LRRK1: variants seen among roughly 807,000 people sequenced by gnomAD.
LRRK1 encodes leucine-rich repeat serine/threonine-protein kinase 1.
A neutral mutation model predicts 209.1 loss-of-function variants in LRRK1; 113 were observed. That is an observed-to-expected ratio of 0.54 (90% CI 0.46 to 0.63). The LOEUF is 0.63. LRRK1 is among the 30% of genes least tolerant of loss of function. The pLI, the probability that LRRK1 is intolerant of heterozygous loss-of-function variation, is 0.00. For synonymous variants in LRRK1, 1,144 were observed against 1,099.7 expected (o/e 1.04, Z -0.80); for missense variants, 2,284 against 2,632.2 (o/e 0.87, Z 2.89).
intron 6 of LRRK1, among the ~76,000 whole-genome samples, chr15:101,007,903 C>A (rs1041427487): frequency 6.6e-6 from 1 of 152,114 alleles, no homozygotes; most frequent in African/African-American, 2.4e-5. Flanking sequence ...GTAATTGCAG[C>A]ACTTTGGGAG....
chr15:101,047,376 C>T (rs1375078740), intron 21 of LRRK1, among the ~76,000 whole-genome samples: 2 of 152,210 alleles, frequency 1.3e-5, no homozygotes, highest in Non-Finnish European at 1.5e-5. Context: ...GGTGCTCCTA[C>T]GTTCCCATTC....
chr15:101,047,627 A>G (rs2035156432), intron 21 of LRRK1, among the ~76,000 whole-genome samples: 1 of 152,346 alleles, frequency 6.6e-6, no homozygotes, highest in African/African-American at 2.4e-5. Flanking sequence ...TGCAAATTCA[A>G]GCAGCAGTGA....
chr15:101,074,201 C>T lies in LRRK1; in HGVS notation c.*5353C>T, dbSNP rs2036900622. ...TTTCTATAGACCCATCTGACCTCTC[C>T]CCTCCTCCCCAGGCTGCTCCTTGCC... is the stretch of plus-strand genomic sequence containing the variant. On this transcript the variant is annotated 3_prime_UTR_variant, in exon 34 of 34. Coordinates refer to ENST00000388948, the MANE Select transcript of LRRK1 (RefSeq NM_024652.6). The T allele has an allele frequency of 6.6e-6, 1 of 152,116 alleles. No homozygotes were observed. Among genetic ancestry groups the T allele is most frequent in the Non-Finnish European group, 1.5e-5 (1 of 68,050 alleles). The allele number at this position is 152,116 out of a possible 1,614,324, so 9.4% of individuals were successfully genotyped here.
Position 101,022,048 on chromosome 15 carries a change from T to C in LRRK1, c.1852+91T>C. The C allele has an allele frequency of 1.1e-6, 1 of 908,582 alleles. No homozygotes were observed. Among genetic ancestry groups the C allele is most frequent in the Non-Finnish European group, 1.7e-6 (1 of 587,144 alleles). The allele number at this position is 908,582 out of a possible 1,614,324, so 56.3% of individuals were successfully genotyped here. ...AAGTTCTGGGGGTGGAGACAGTTGG[T>C]GACCCATGGAGCCCAGCTCCAGGTT... On this transcript the variant is annotated intron_variant, in intron 14 of 33. Coordinates refer to ENST00000388948, the MANE Select transcript of LRRK1 (RefSeq NM_024652.6). The surrounding 1 kb of genome is among the most constrained non-coding windows in gnomAD (Gnocchi z 4.0).
At chr15:100,949,590 C>T (rs1652147761) in intron 2 of LRRK1, among the ~76,000 whole-genome samples, 1 of 152,146 alleles carries the variant, frequency 6.6e-6, no homozygotes, top group South Asian at 2.1e-4. Context: ...CTACAGACCA[C>T]TACCTCTTTC....
At position 101,073,513 on chromosome 15, in the gene LRRK1, G is replaced by A. The variant is rs539246385; in HGVS notation, c.*4665G>A. 2.0e-5 allele frequency: 3 copies of A among 151,228 alleles called. No individual in the cohort carries two copies. Among genetic ancestry groups the A allele is most frequent in the Admixed American group, 6.6e-5 (1 of 15,190 alleles). 9.4% of individuals were successfully genotyped at this position (151,228 alleles called of 1,614,324 possible). A position where few individuals can be genotyped will look rare whatever the true frequency, so the allele number is the denominator to read the frequency against. On this transcript the variant is annotated 3_prime_UTR_variant, in exon 34 of 34. Coordinates refer to ENST00000388948, the MANE Select transcript of LRRK1 (RefSeq NM_024652.6). ...CAACCCCTTCTCCTTCACCCTGAGCGGCAAGTCCCGCTTTTCTAGAGGAGG... is the reference window on the plus strand; with the variant it reads ...CAACCCCTTCTCCTTCACCCTGAGCAGCAAGTCCCGCTTTTCTAGAGGAGG...
At chr15:100,928,841 C>G (rs2042160069) in intron 2 of LRRK1, among the ~76,000 whole-genome samples, 1 of 152,136 alleles carries the variant, frequency 6.6e-6, no homozygotes, top group Non-Finnish European at 1.5e-5. Context: ...AGGCTGGGGT[C>G]TGTGTGTGTC....
At chr15:101,052,102 T>G in intron 24 of LRRK1, 142 bp downstream of exon 24, 1 of 980,594 alleles carries the variant, frequency 1.0e-6, no homozygotes, top group Non-Finnish European at 1.5e-6. Context: ...TCTCAGTACC[T>G]TTTAGGTTCC....
intron 2 of LRRK1, among the ~76,000 whole-genome samples, chr15:100,928,575 G>T (rs1347967518): frequency 6.6e-6 from 1 of 152,180 alleles, no homozygotes; most frequent in Non-Finnish European, 1.5e-5. Context: ...AAAATCCTTG[G>T]AAGATAACGT....
intron 20 of LRRK1, among the ~76,000 whole-genome samples, chr15:101,032,276 G>A (rs1016340456): frequency 1.3e-5 from 2 of 151,940 alleles, no homozygotes; most frequent in Non-Finnish European, 2.9e-5. Context: ...TATATCTTCT[G>A]GATACAAGTT....
chr15:101,036,531 T>C (rs2034500638), intron 20 of LRRK1, among the ~76,000 whole-genome samples: 1 of 152,042 alleles, frequency 6.6e-6, no homozygotes, highest in African/African-American at 2.4e-5. Context: ...TTTCTTTGTA[T>C]TTTTTTTAGA....
At chr15:100,964,131 GC>G (rs1457568706) in intron 2 of LRRK1, among the ~76,000 whole-genome samples, 3 of 152,118 alleles carry the variant, frequency 2.0e-5, no homozygotes, top group Non-Finnish European at 4.4e-5. Context: ...CCCGGCCCTG[GC>G]TTTTGCTTTC....
In LRRK1 at chr15:100,953,668, T is replaced by A. The variant is rs1057153704; in HGVS notation, c.98-20136T>A. On this transcript the variant is annotated intron_variant, in intron 2 of 33. Transcript: ENST00000388948. ...TGGGGTTACAGATATCTCTTCGAGA[T>A]ACTGATTTCCTTTCCTTTGGGTAAA... 3.2e-4 allele frequency among the ~76,000 whole-genome samples: 49 copies of A among 152,178 alleles called. 1 individual carries two copies. Among genetic ancestry groups the A allele is most frequent in the African/African-American group, 1.1e-3 (46 of 41,438 alleles).
chr15:100,967,168 G>T (rs1049899892), intron 2 of LRRK1, among the ~76,000 whole-genome samples: 1 of 152,146 alleles, frequency 6.6e-6, no homozygotes, highest in Non-Finnish European at 1.5e-5. Context: ...TCTCCCTCTG[G>T]CCTGCTCTCA....
In LRRK1 at chr15:101,065,200, G is replaced by A. The variant is rs567035101; in HGVS notation, c.4915-152G>A. On this transcript the variant is annotated intron_variant, in intron 31 of 33. Coordinates refer to ENST00000388948, the MANE Select transcript of LRRK1 (RefSeq NM_024652.6). ...GCTGCACTTCTTTAGGAGTAGCCCC[G>A]GCCTTTCTAAGAGATTTGCTGCCCT... 3.9e-4 allele frequency: 307 copies of A among 793,860 alleles called. 3 individuals are homozygous for A. The highest frequency in any genetic ancestry group is 3.2e-3 in the South Asian group (183 of 56,594). 49.2% of individuals were successfully genotyped at this position (793,860 alleles called of 1,614,324 possible).
At position 101,062,594 on chromosome 15, in the gene LRRK1, C is replaced by T. The variant is rs769219606; in HGVS notation, c.4818C>T (p.Tyr1606=). The T allele has an allele frequency of 2.0e-5, 32 of 1,613,790 alleles. No individual in the cohort carries two copies. The highest frequency in any genetic ancestry group is 2.6e-5 in the Non-Finnish European group (31 of 1,179,630). ...TATEDQKIYI[Y]TLKGMCPLNT... is the part of the protein sequence containing the mutation. ...TGCAGGACCAGAAAATCTACATCTACACCCTCAAGGGCATGTGCCCCTTAA... is the reference window on the plus strand; with the variant it reads ...TGCAGGACCAGAAAATCTACATCTATACCCTCAAGGGCATGTGCCCCTTAA... The change falls in exon 31 of 34, where the codon TAC becomes TAT. Residue 1606 remains tyrosine (Y), a synonymous_variant. Transcript: ENST00000388948.
chr15:100,970,895 A>G (rs541122799), intron 2 of LRRK1, among the ~76,000 whole-genome samples: 1 of 152,106 alleles, frequency 6.6e-6, no homozygotes, highest in Non-Finnish European at 1.5e-5. Flanking sequence ...GATCTTGCCC[A>G]TCTTTTGTTA....
At chr15:101,061,974 C>G (rs749202223) in intron 30 of LRRK1, among the ~76,000 whole-genome samples, 7 of 152,244 alleles carry the variant, frequency 4.6e-5, no homozygotes, top group Non-Finnish European at 1.0e-4. Flanking sequence ...CACCATTGCA[C>G]TCCAGCCTTG....
intron 2 of LRRK1, among the ~76,000 whole-genome samples, chr15:100,968,821 C>CCTTCT (rs1198552447): frequency 4.8e-5 from 7 of 146,708 alleles, no homozygotes; most frequent in African/African-American, 1.8e-4. Flanking sequence ...CCTTCCCTTC[C>CCTTCT]TTTCCCTTCC....
Sources: gnomAD v4.1 joint callset for allele counts (sites outside exome capture counted in the v4.1 genomes callset) on GRCh38, gnomAD v4.1.1 for gene constraint, Gnocchi (gnomAD v3.1) non-coding constraint, MANE v1.5 for transcripts, NCBI Gene and HGNC (gene_info 2026-07-23, HGNC 2026-07-21) for gene names.